MTMR14: variants seen among roughly 807,000 people sequenced by gnomAD.
MTMR14 encodes the protein phosphatidylinositol-3,5-bisphosphate 3-phosphatase MTMR14.
Under a neutral mutation model 86.3 loss-of-function variants are expected in MTMR14, and 48 were observed. The observed-to-expected ratio is 0.56, with a 90% CI of 0.44 to 0.71. MTMR14 has a LOEUF of 0.71. MTMR14 is among the 30% of genes least tolerant of loss of function. The pLI, the probability that MTMR14 is intolerant of heterozygous loss-of-function variation, is 0.00. For synonymous variants in MTMR14, 366 were observed against 326.1 expected (o/e 1.12, Z -1.32); for missense variants, 780 against 834.6 (o/e 0.93, Z 0.81).
At chr3:9,681,282 C>G (rs1310438838) in intron 9 of MTMR14, among the ~76,000 whole-genome samples, 1 of 152,224 alleles carries the variant, frequency 6.6e-6, no homozygotes, top group Non-Finnish European at 1.5e-5. Context: ...CCCCTTCTTT[C>G]TGTGTCCTAA....
At chr3:9,668,648 TC>T in intron 3 of MTMR14, 70 bp from the exon 4 acceptor site, 1 of 1,513,772 alleles carries the variant, frequency 6.6e-7, no homozygotes, top group Non-Finnish European at 9.2e-7. Flanking sequence ...GTCAGAGGAG[TC>T]CCACATGTTC....
chr3:9,650,049 T>C (rs936955200), intron 1 of MTMR14, among the ~76,000 whole-genome samples: 1 of 151,678 alleles, frequency 6.6e-6, no homozygotes, highest in African/African-American at 2.4e-5. Context: ...CTAAGGAAGG[T>C]CTATTCCCTG....
At position 9,672,719 on chromosome 3, in the gene MTMR14, C is replaced by T. The variant is rs1243925241; in HGVS notation, c.712C>T (p.Arg238Cys). Residue 238 changes from arginine to cysteine, a missense_variant, in exon 7 of 19, where the codon CGC becomes TGC. Transcript: ENST00000296003. Reference sequence around the variant, plus strand: ...CTCTGAGAAGGTGGACAAAGCCCAGCGCTATGCCGACTTCACTCTCCTCTC... The same window carrying T: ...CTCTGAGAAGGTGGACAAAGCCCAGTGCTATGCCGACTTCACTCTCCTCTC... ...TSSEKVDKAQ[R>C]YADFTLLSIP... 2.5e-6 allele frequency: 4 copies of T among 1,614,150 alleles called. No individual in the cohort carries two copies. Among genetic ancestry groups the T allele is most frequent in the Admixed American group, 3.3e-5 (2 of 60,024 alleles).
intron 1 of MTMR14, among the ~76,000 whole-genome samples, chr3:9,651,320 C>T (rs896844789): frequency 2.6e-5 from 4 of 151,972 alleles, no homozygotes; most frequent in Non-Finnish European, 2.9e-5. Context: ...CCTGGCTGGT[C>T]TCAAACTCCT....
At chr3:9,689,868 G>T in intron 16 of MTMR14, 96 bp from the exon 17 acceptor site, 1 of 1,233,030 alleles carries the variant, frequency 8.1e-7, no homozygotes. Flanking sequence ...TGTTTTCCCA[G>T]TGGAAGTAAA....
intron 6 of MTMR14, 51 bp downstream of exon 6, chr3:9,671,221 T>G: frequency 6.2e-7 from 1 of 1,613,290 alleles, no homozygotes; most frequent in Non-Finnish European, 8.5e-7. Flanking sequence ...TGTACAGATT[T>G]GCAGGGCTGG....
Position 9,653,674 on chromosome 3 carries a change from C to G in MTMR14, c.213C>G (p.Phe71Leu). 1 of 1,614,152 alleles carries G rather than the reference C, an allele frequency of 6.2e-7. No individual in the cohort carries two copies. Among genetic ancestry groups the G allele is most frequent in the Non-Finnish European group, 8.5e-7 (1 of 1,180,034 alleles). ...CLELFGRDYC[F>L]SVIPNTNGDI... ...AGCTGTTTGGCCGAGACTACTGTTT[C>G]AGCGTGATTCCAAACACGAATGGGG... The change falls in exon 2 of 19, where the codon TTC (phenylalanine) becomes TTG (leucine). Residue 71 changes from phenylalanine to leucine, a missense_variant. Phe to Leu is a conservative substitution (Grantham distance 22). Transcript: ENST00000296003.
intron 1 of MTMR14, among the ~76,000 whole-genome samples, chr3:9,650,696 C>T (rs577395924): frequency 6.6e-6 from 1 of 151,940 alleles, no homozygotes; most frequent in Admixed American, 6.6e-5. Context: ...AAAATTTGTG[C>T]TTATGGGATA....
chr3:9,655,749 G>C (rs6772624), intron 2 of MTMR14, among the ~76,000 whole-genome samples: 151,886 of 151,886 alleles, frequency 1, 75,943 homozygotes, highest in Non-Finnish European at 1. Flanking sequence ...GTGTGAGCCA[G>C]CACACCCGGC....
chr3:9,679,842 G>C, intron 9 of MTMR14, among the ~76,000 whole-genome samples: 1 of 152,318 alleles, frequency 6.6e-6, no homozygotes, highest in Non-Finnish European at 1.5e-5. Context: ...ACTTCCAGGC[G>C]TGAAGGCAGC....
rs1203712291 is a variant in MTMR14 at position 9,690,149 on chromosome 3, G to T, written c.1613+6G>T. ...CTGGAGGTCCCCAAACCCAGGTGAG[G>T]AGCTCCAAAGCCCTTGCTGTTGGAA... On this transcript the variant is annotated splice_donor_region_variant and intron_variant, in intron 17 of 18. Transcript: ENST00000296003. The T allele has an allele frequency of 6.2e-7, 1 of 1,613,388 alleles. No homozygotes were observed. Among genetic ancestry groups the T allele is most frequent in the Admixed American group, 1.7e-5 (1 of 59,990 alleles).
intron 2 of MTMR14, among the ~76,000 whole-genome samples, chr3:9,660,096 C>T (rs556052595): frequency 1.1e-4 from 17 of 152,204 alleles, no homozygotes; most frequent in Non-Finnish European, 2.1e-4. Flanking sequence ...TAAAGGTGCT[C>T]GGTTTTATAT....
intron 13 of MTMR14, among the ~76,000 whole-genome samples, chr3:9,686,144 C>G (rs1172001978): frequency 1.3e-5 from 2 of 151,760 alleles, no homozygotes; most frequent in African/African-American, 2.4e-5. Context: ...CTGCTCCTCT[C>G]CTCTTCCAAA....
intron 1 of MTMR14, among the ~76,000 whole-genome samples, chr3:9,650,729 TAGTCCCACCC>T (rs938285112): frequency 5.3e-5 from 8 of 152,150 alleles, no homozygotes; most frequent in African/African-American, 1.9e-4. Flanking sequence ...AGAGATTCCT[TAGTCCCACCC>T]AGTCCTACCA....
At chr3:9,675,267 A>G (rs1464170095) in intron 7 of MTMR14, among the ~76,000 whole-genome samples, 1 of 152,248 alleles carries the variant, frequency 6.6e-6, no homozygotes, top group Admixed American at 6.5e-5. Context: ...GCACACCCAA[A>G]TAAGGGGGAC....
intron 9 of MTMR14, among the ~76,000 whole-genome samples, chr3:9,682,941 C>T (rs925814371): frequency 1.3e-5 from 2 of 151,516 alleles, no homozygotes; most frequent in South Asian, 2.1e-4. Context: ...GAGCCCCCCC[C>T]CCGCCCCCGC....
chr3:9,654,677 ATGT>A (rs949236499), intron 2 of MTMR14, among the ~76,000 whole-genome samples: 1 of 152,168 alleles, frequency 6.6e-6, no homozygotes, highest in Non-Finnish European at 1.5e-5. Flanking sequence ...CGTGGGTGAA[ATGT>A]TGTGAGGAGT....
rs1240643724 is a variant in MTMR14 at position 9,649,688 on chromosome 3, G to A, written c.105G>A (p.Glu35=). 6.2e-7 allele frequency: 1 copy of A among 1,611,002 alleles called. No individual in the cohort carries two copies. The highest frequency in any genetic ancestry group is 1.7e-5 in the Admixed American group (1 of 59,606). The change falls in exon 1 of 19, where the codon GAG becomes GAA. Residue 35 remains glutamate, a synonymous_variant. Coordinates refer to ENST00000296003, the MANE Select transcript of MTMR14 (RefSeq NM_001077525.3). ...TGGGGCTTGGGGAGCTGCTGGAGGA[G>A]TTCTCCCGGACTCAGTACCGGGCCA... The part of the protein sequence containing the change: ...QELGLGELLE[E]FSRTQYRAKD...
chr3:9,691,114 A>G (rs1221474804), intron 17 of MTMR14, among the ~76,000 whole-genome samples: 2 of 152,236 alleles, frequency 1.3e-5, no homozygotes, highest in African/African-American at 4.8e-5. Flanking sequence ...CATCCTCTGC[A>G]CATAGGCAGA....
Sources: allele counts gnomAD v4.1 joint callset (sites outside exome capture counted in the v4.1 genomes callset), GRCh38; gene constraint gnomAD v4.1.1; transcripts MANE v1.5; gene names NCBI Gene and HGNC (gene_info 2026-07-23, HGNC 2026-07-21).